FNDC3A: variants seen among roughly 807,000 people sequenced by gnomAD.
FNDC3A encodes the protein fibronectin type-III domain-containing protein 3A.
FNDC3A carries 32 observed loss-of-function variants against 148.9 expected under a neutral mutation model. The observed-to-expected ratio is 0.21, with a 90% CI of 0.16 to 0.29. The LOEUF is 0.29. Among genes scored for constraint, FNDC3A ranks in the 10% least tolerant of loss-of-function variants. The pLI is 1.00. For missense variants in FNDC3A, 1,191 were observed against 1,452.8 expected (o/e 0.82, Z 2.93); for synonymous variants, 472 against 473.6 (o/e 1.00, Z 0.04).
intron 2 of FNDC3A, among the ~76,000 whole-genome samples, chr13:49,032,031 A>T (rs1310033417): frequency 1.3e-5 from 2 of 152,246 alleles, no homozygotes; most frequent in East Asian, 3.8e-4. Flanking sequence ...TACTATAAGC[A>T]TATGAAAGAT....
At chr13:49,161,239 T>C (rs981576090) in intron 8 of FNDC3A, among the ~76,000 whole-genome samples, 1 of 152,226 alleles carries the variant, frequency 6.6e-6, no homozygotes, top group Non-Finnish European at 1.5e-5. Flanking sequence ...CTCCCATTAT[T>C]AATGTGTGGG....
chr13:49,012,605 T>A (rs1392565776), intron 2 of FNDC3A, among the ~76,000 whole-genome samples: 2 of 152,128 alleles, frequency 1.3e-5, no homozygotes, highest in Non-Finnish European at 2.9e-5. Context: ...TTAGATTGCC[T>A]TGAATCTATA....
intron 3 of FNDC3A, among the ~76,000 whole-genome samples, chr13:49,109,860 T>TAA (rs1432444495): frequency 6.6e-6 from 1 of 152,174 alleles, no homozygotes; most frequent in African/African-American, 2.4e-5. Flanking sequence ...TATACACAAT[T>TAA]ATTTGTGTAT....
chr13:48,986,783 A>G (rs1212991690), intron 1 of FNDC3A, among the ~76,000 whole-genome samples: 1 of 152,192 alleles, frequency 6.6e-6, no homozygotes, highest in Non-Finnish European at 1.5e-5. Flanking sequence ...ATTTATAAAC[A>G]AAGAATCTGG....
In FNDC3A at chr13:49,114,649, A is replaced by G. The variant is rs1880813430; in HGVS notation, c.176-6A>G. ...GGTTAATACATCATTTATGTGACCCATTCAGGTCCTGCTCAGGTTCCAATG... is the reference window on the plus strand; with the variant it reads ...GGTTAATACATCATTTATGTGACCCGTTCAGGTCCTGCTCAGGTTCCAATG... On this transcript the variant is annotated splice_polypyrimidine_tract_variant and splice_region_variant and intron_variant, in intron 3 of 25. Coordinates refer to ENST00000492622, the MANE Select transcript of FNDC3A (RefSeq NM_001079673.2). The G allele has an allele frequency of 1.2e-6, 2 of 1,605,478 alleles. No individual in the cohort carries two copies.
intron 3 of FNDC3A, among the ~76,000 whole-genome samples, chr13:49,089,633 C>T (rs1879054240): frequency 6.6e-6 from 1 of 152,182 alleles, no homozygotes. Flanking sequence ...CCTGGCTACC[C>T]ACCAGAAATG....
At chr13:49,034,970 A>G (rs1318112339) in intron 2 of FNDC3A, among the ~76,000 whole-genome samples, 2 of 152,072 alleles carry the variant, frequency 1.3e-5, no homozygotes, top group African/African-American at 2.4e-5. Flanking sequence ...CTTATTTTGA[A>G]TATCAGTTTT....
chr13:48,981,226 G>A (rs1951688492), intron 1 of FNDC3A, among the ~76,000 whole-genome samples: 1 of 152,140 alleles, frequency 6.6e-6, no homozygotes, highest in Non-Finnish European at 1.5e-5. Context: ...TAAACAAGAG[G>A]TAAATTAAAG....
At chr13:49,019,657 A>G (rs1873168511) in intron 2 of FNDC3A, among the ~76,000 whole-genome samples, 2 of 152,156 alleles carry the variant, frequency 1.3e-5, no homozygotes. Context: ...TTTAACTGAC[A>G]GTATATTTCT....
intron 8 of FNDC3A, among the ~76,000 whole-genome samples, chr13:49,159,453 T>C (rs1371399714): frequency 6.6e-6 from 1 of 152,238 alleles, no homozygotes; most frequent in African/African-American, 2.4e-5. Flanking sequence ...GCTTGTGATT[T>C]TTGCACATTG....
At chr13:49,010,206 G>A (rs1952309592) in intron 2 of FNDC3A, among the ~76,000 whole-genome samples, 1 of 152,214 alleles carries the variant, frequency 6.6e-6, no homozygotes, top group Admixed American at 6.5e-5. Context: ...GGATTGGCTA[G>A]TTTTAATAAT....
intron 3 of FNDC3A, among the ~76,000 whole-genome samples, chr13:49,076,214 A>T (rs1878100631): frequency 6.6e-6 from 1 of 152,112 alleles, no homozygotes; most frequent in South Asian, 2.1e-4. Context: ...TTTACTAGCT[A>T]CATGACCTTG....
chr13:49,201,226 G>A, intron 23 of FNDC3A: 1 of 210,430 alleles, frequency 4.8e-6, no homozygotes, highest in Non-Finnish European at 1.0e-5. Flanking sequence ...AACAGTTCAA[G>A]TGGGTAATGT....
chr13:49,021,478 T>C (rs1038577438), intron 2 of FNDC3A, among the ~76,000 whole-genome samples: 1 of 152,220 alleles, frequency 6.6e-6, no homozygotes, highest in Non-Finnish European at 1.5e-5. Flanking sequence ...ATGAGACTTT[T>C]ACGGTATTCC....
At chr13:49,110,982 C>T (rs1434849773) in intron 3 of FNDC3A, among the ~76,000 whole-genome samples, 1 of 152,128 alleles carries the variant, frequency 6.6e-6, no homozygotes, top group Non-Finnish European at 1.5e-5. Flanking sequence ...TCCTTAATAG[C>T]TCCATGATTG....
intron 1 of FNDC3A, among the ~76,000 whole-genome samples, chr13:49,001,457 A>G (rs1952124743): frequency 6.6e-6 from 1 of 152,220 alleles, no homozygotes; most frequent in Non-Finnish European, 1.5e-5. Flanking sequence ...ATGTTCAGGG[A>G]ACAAGAGAGA....
At chr13:49,031,578 CA>C (rs771456652) in intron 2 of FNDC3A, among the ~76,000 whole-genome samples, 1 of 152,072 alleles carries the variant, frequency 6.6e-6, no homozygotes, top group Non-Finnish European at 1.5e-5. Context: ...ACTAGATATC[CA>C]CATGTAAAAG....
chr13:49,002,986 A>G (rs1206787699), intron 1 of FNDC3A, among the ~76,000 whole-genome samples: 1 of 152,142 alleles, frequency 6.6e-6, no homozygotes, highest in Admixed American at 6.6e-5. Context: ...GTGATTTACG[A>G]ATTTTCATTT....
intron 14 of FNDC3A, among the ~76,000 whole-genome samples, chr13:49,182,355 A>T (rs955489522): frequency 6.6e-6 from 1 of 152,152 alleles, no homozygotes; most frequent in African/African-American, 2.4e-5. Context: ...ATTAAGAGTT[A>T]TAAGCAATTC....
Sources: allele counts gnomAD v4.1 joint callset (sites outside exome capture counted in the v4.1 genomes callset), GRCh38; gene constraint gnomAD v4.1.1; transcripts MANE v1.5; gene names NCBI Gene and HGNC (gene_info 2026-07-23, HGNC 2026-07-21).